HPSE2: variants seen among roughly 807,000 people sequenced by gnomAD.
The protein encoded by HPSE2 is heparanase 2 (inactive), also known as inactive heparanase-2.
In HPSE2, 38 loss-of-function variants were observed where a neutral mutation model predicts 60.5. The ratio of observed to expected loss-of-function variants is 0.63; its 90% CI spans 0.48 to 0.82. The LOEUF (loss-of-function observed/expected upper bound fraction) is 0.82, where lower values mean the gene tolerates loss of function less well. Among genes scored for constraint, HPSE2 ranks in the 40% least tolerant of loss-of-function variants. HPSE2 has a pLI of 0.00. For missense variants in HPSE2, 713 were observed against 740.4 expected (o/e 0.96, Z 0.43); for synonymous variants, 295 against 293.2 (o/e 1.01, Z -0.06).
chr10:99,035,161 A>G (rs1404976137), intron 3 of HPSE2, among the ~76,000 whole-genome samples: 3 of 152,232 alleles, frequency 2.0e-5, no homozygotes, highest in African/African-American at 7.2e-5. Context: ...AAACTTTTAC[A>G]TTTTTCTAAC....
intron 6 of HPSE2, among the ~76,000 whole-genome samples, chr10:98,644,924 G>A (rs1340818125): frequency 6.6e-6 from 1 of 152,196 alleles, no homozygotes; most frequent in Non-Finnish European, 1.5e-5. Context: ...TTGGATTGGA[G>A]CGGGAGGAGA....
At chr10:98,627,417 C>T (rs1946246748) in intron 7 of HPSE2, among the ~76,000 whole-genome samples, 1 of 152,152 alleles carries the variant, frequency 6.6e-6, no homozygotes, top group Non-Finnish European at 1.5e-5. Flanking sequence ...TACTGCACTC[C>T]AGCCTGCATG....
At chr10:98,721,397 T>C (rs72840595) in intron 5 of HPSE2, among the ~76,000 whole-genome samples, 2,282 of 152,152 alleles carry the variant, frequency 0.015, 32 homozygotes, top group African/African-American at 0.03. Flanking sequence ...TTTCAAACAA[T>C]GTTTCCTTTC....
chr10:98,863,303 C>T (rs1267110575), intron 3 of HPSE2, among the ~76,000 whole-genome samples: 1 of 151,842 alleles, frequency 6.6e-6, no homozygotes, highest in African/African-American at 2.4e-5. Context: ...GAGGTCTTGT[C>T]AGTAATTCCA....
At chr10:98,905,350 C>A (rs1024339421) in intron 3 of HPSE2, among the ~76,000 whole-genome samples, 4 of 150,390 alleles carry the variant, frequency 2.7e-5, no homozygotes, top group African/African-American at 9.8e-5. Flanking sequence ...GTGATATTCC[C>A]CTTCCTGTGT....
upstream of HPSE2, among the ~76,000 whole-genome samples, chr10:99,236,907 A>G (rs985786905): frequency 2.0e-5 from 3 of 152,112 alleles, no homozygotes; most frequent in Non-Finnish European, 4.4e-5. Context: ...CCTGGAGGTC[A>G]ATCCTATACT....
At chr10:99,214,891 C>G (rs1427978789) in intron 2 of HPSE2, among the ~76,000 whole-genome samples, 1 of 152,138 alleles carries the variant, frequency 6.6e-6, no homozygotes, top group Non-Finnish European at 1.5e-5. Context: ...CAATGAGATA[C>G]CATCTCACAT....
At chr10:98,558,135 T>C (rs1186163916) in intron 9 of HPSE2, among the ~76,000 whole-genome samples, 1 of 152,074 alleles carries the variant, frequency 6.6e-6, no homozygotes, top group East Asian at 1.9e-4. Flanking sequence ...AAAAATCAAG[T>C]GTTGACAAGG....
intron 5 of HPSE2, among the ~76,000 whole-genome samples, chr10:98,698,952 C>A (rs1159893733): frequency 2.1e-4 from 31 of 150,630 alleles, no homozygotes; most frequent in African/African-American, 5.1e-4. Context: ...AAGAAGTTGA[C>A]TCTCTGAATA....
intron 3 of HPSE2, among the ~76,000 whole-genome samples, chr10:99,052,381 A>T (rs915347251): frequency 3.3e-5 from 5 of 152,064 alleles, no homozygotes; most frequent in African/African-American, 1.2e-4. Context: ...TAAAGACCAC[A>T]GAGAAAAAAA....
At chr10:98,811,513 G>C (rs1307611812) in intron 3 of HPSE2, among the ~76,000 whole-genome samples, 7 of 152,120 alleles carry the variant, frequency 4.6e-5, no homozygotes, top group Non-Finnish European at 1.0e-4. Flanking sequence ...ATGTATTACA[G>C]AAAAGACAGT....
intron 3 of HPSE2, among the ~76,000 whole-genome samples, chr10:98,832,792 G>A (rs940523216): frequency 1.1e-4 from 16 of 152,188 alleles, no homozygotes; most frequent in Non-Finnish European, 1.5e-5. Flanking sequence ...GTAAGAAAAT[G>A]TGTATACTAG....
At chr10:99,110,728 T>A (rs1356830136) in intron 3 of HPSE2, among the ~76,000 whole-genome samples, 2 of 152,146 alleles carry the variant, frequency 1.3e-5, no homozygotes, top group African/African-American at 4.8e-5. Context: ...CCCAAAAAAA[T>A]TGCAAAAGCA....
chr10:99,174,642 T>G (rs1041430292), intron 2 of HPSE2, among the ~76,000 whole-genome samples: 1 of 152,224 alleles, frequency 6.6e-6, no homozygotes, highest in African/African-American at 2.4e-5. Context: ...ATGGAACTAC[T>G]AGCTGTTACA....
intron 3 of HPSE2, among the ~76,000 whole-genome samples, chr10:98,865,209 A>G (rs1326622519): frequency 6.6e-6 from 1 of 152,152 alleles, no homozygotes; most frequent in Non-Finnish European, 1.5e-5. Context: ...TAGGTGCCAT[A>G]GAAAAAAATA....
chr10:98,953,048 CACG>C (rs1191580301), intron 3 of HPSE2, among the ~76,000 whole-genome samples: 2 of 152,098 alleles, frequency 1.3e-5, no homozygotes, highest in Non-Finnish European at 2.9e-5. Context: ...TTCTCTCCCC[CACG>C]ACTTCTGCCA....
intron 3 of HPSE2, among the ~76,000 whole-genome samples, chr10:98,872,672 G>A (rs775842833): frequency 1.3e-5 from 2 of 152,034 alleles, no homozygotes; most frequent in Non-Finnish European, 2.9e-5. Context: ...AATATTTTGA[G>A]CAATGATAAT....
At chr10:99,261,174 T>C in the HPSE2 span, among the ~76,000 whole-genome samples, 1 of 152,276 alleles carries the variant, frequency 6.6e-6, no homozygotes, top group Middle Eastern at 3.4e-3. Flanking sequence ...CTCTTGTCTG[T>C]TCCTTCAGTC....
chr10:98,800,899 T>C (rs1488905155), intron 3 of HPSE2, among the ~76,000 whole-genome samples: 1 of 152,124 alleles, frequency 6.6e-6, no homozygotes, highest in Non-Finnish European at 1.5e-5. Flanking sequence ...CCCTGATAGC[T>C]AAACCAGACA....
Sources: allele counts gnomAD v4.1 joint callset (sites outside exome capture counted in the v4.1 genomes callset), GRCh38; gene constraint gnomAD v4.1.1; transcripts MANE v1.5; gene names NCBI Gene and HGNC (gene_info 2026-07-23, HGNC 2026-07-21).